ANO6: variants seen among roughly 807,000 people sequenced by gnomAD.
ANO6 encodes anoctamin-6.
ANO6 carries 106 observed loss-of-function variants against 117.5 expected under a neutral mutation model. That is an observed-to-expected ratio of 0.90 (90% CI 0.77 to 1.06). The LOEUF is 1.06. ANO6 is among the 50% of genes least tolerant of loss of function. The pLI, the probability that ANO6 is intolerant of heterozygous loss-of-function variation, is 0.00. For missense variants in ANO6, 955 were observed against 1,121.1 expected, an observed-to-expected ratio of 0.85 and a Z score of 2.12; for synonymous variants, 367 against 385.1, an observed-to-expected ratio of 0.95 and a Z score of 0.55.
intron 2 of ANO6, among the ~76,000 whole-genome samples, chr12:45,323,448 C>A (rs1217365311): frequency 1.3e-5 from 2 of 152,166 alleles, no homozygotes; most frequent in African/African-American, 2.4e-5. Context: ...GTGGAAGTTT[C>A]TGATGATTAT....
Position 45,416,923 on chromosome 12 carries a change from T to G in ANO6, c.2217+19T>G, listed in dbSNP as rs763132017. On this transcript the variant is annotated intron_variant, in intron 17 of 19. Transcript: ENST00000320560. ...GACCAATGTGAGTAGACCTAAGCTT[T>G]ACAGAGTAAAGACCTTGAAGATGCA... 1 of 1,613,234 alleles carries G rather than the reference T, an allele frequency of 6.2e-7. No individual in the cohort carries two copies. Among genetic ancestry groups the G allele is most frequent in the Admixed American group, 1.7e-5 (1 of 60,008 alleles).
intron 1 of ANO6, among the ~76,000 whole-genome samples, chr12:45,262,849 G>A (rs1022458056): frequency 6.6e-6 from 1 of 152,144 alleles, no homozygotes; most frequent in Admixed American, 6.5e-5. Flanking sequence ...ACATTCAACA[G>A]ATATTTAGTT....
intron 1 of ANO6, among the ~76,000 whole-genome samples, chr12:45,250,761 TAA>T (rs1237444756): frequency 3.9e-3 from 455 of 116,510 alleles, no homozygotes; most frequent in African/African-American, 0.011. Context: ...TCTGGTTACT[TAA>T]AAAAAAAAAA....
chr12:45,352,146 G>T (rs1264390328), intron 7 of ANO6, among the ~76,000 whole-genome samples: 3 of 152,056 alleles, frequency 2.0e-5, no homozygotes, highest in African/African-American at 7.2e-5. Context: ...AAAACTACTA[G>T]ACCTTAAAAG....
chr12:45,271,874 T>G (rs1352037806), intron 1 of ANO6, among the ~76,000 whole-genome samples: 1 of 152,200 alleles, frequency 6.6e-6, no homozygotes, highest in Non-Finnish European at 1.5e-5. Context: ...GTTAAGATGG[T>G]GCAAACAGGA....
Position 45,367,715 on chromosome 12 carries a change from T to A in ANO6, c.1026T>A (p.Gly342=), listed in dbSNP as rs1392493541. The stretch of plus-strand genomic sequence containing the variant: ...AAGAAGTTTGTCATCCTGATATTGG[T>A]GGCAAGATCATAATGTGTCCTCAGT... ...WSKEVCHPDI[G]GKIIMCPQCD... The change falls in exon 9 of 20, where the codon GGT becomes GGA. Residue 342 remains glycine (G), a synonymous_variant. Transcript: ENST00000320560. The A allele has an allele frequency of 6.2e-7, 1 of 1,613,158 alleles. No homozygotes were observed. Among genetic ancestry groups the A allele is most frequent in the Non-Finnish European group, 8.5e-7 (1 of 1,179,686 alleles).
chr12:45,224,568 C>G (rs1465688917), intron 1 of ANO6, among the ~76,000 whole-genome samples: 1 of 152,182 alleles, frequency 6.6e-6, no homozygotes, highest in Non-Finnish European at 1.5e-5. Flanking sequence ...AGTCCACAGA[C>G]ATGATTTATC....
At chr12:45,266,805 AGTGT>A (rs57682251) in intron 1 of ANO6, among the ~76,000 whole-genome samples, 43,836 of 145,318 alleles carry the variant, frequency 0.3, 6,549 homozygotes, top group South Asian at 0.47. Context: ...TCAAAAAACA[AGTGT>A]GTGTGTGTGT....
At position 45,356,359 on chromosome 12, in the gene ANO6, CT is replaced by C. The variant is rs1941411144; in HGVS notation, c.864-929del. On this transcript the variant is annotated intron_variant, in intron 7 of 19. Transcript: ENST00000320560. ...TTTTTTCTTATTATTACAGTTGCCC[CT>C]TGAACAACACAGGGGTAGGGCAGTG... is the stretch of plus-strand genomic sequence containing the variant. Among the ~76,000 whole-genome samples, 7 of 152,170 alleles carry C rather than the reference CT, an allele frequency of 4.6e-5. No individual in the cohort carries two copies. The South Asian group carries it at 1.5e-3, about 32-fold the overall frequency.
chr12:45,425,000 C>A (rs142192466), intron 19 of ANO6, among the ~76,000 whole-genome samples: 1 of 151,492 alleles, frequency 6.6e-6, no homozygotes, highest in East Asian at 1.9e-4. Context: ...CTGATTTGGA[C>A]CCTCAGTAAC....
At chr12:45,276,681 A>G (rs535674092) in intron 1 of ANO6, among the ~76,000 whole-genome samples, 224 of 152,152 alleles carry the variant, frequency 1.5e-3, no homozygotes, top group Middle Eastern at 0.01. Flanking sequence ...AAGTACTTAT[A>G]TTTAGTTTTT....
chr12:45,329,428 G>C (rs138159609), intron 2 of ANO6, among the ~76,000 whole-genome samples: 5 of 152,210 alleles, frequency 3.3e-5, no homozygotes, highest in African/African-American at 7.2e-5. Flanking sequence ...AGTCAGTGAG[G>C]TTTTCCTCCA....
chr12:45,291,463 G>A (rs917639291), intron 1 of ANO6, among the ~76,000 whole-genome samples: 9 of 151,214 alleles, frequency 6.0e-5, no homozygotes, highest in Admixed American at 3.3e-4. Flanking sequence ...AATAGATAAC[G>A]GGACTTGAGA....
intron 1 of ANO6, among the ~76,000 whole-genome samples, chr12:45,295,703 G>A (rs1385663072): frequency 2.0e-5 from 3 of 152,000 alleles, no homozygotes; most frequent in Non-Finnish European, 1.5e-5. Flanking sequence ...TAGCGTTACA[G>A]GCATGTACCA....
At position 45,348,013 on chromosome 12, in the gene ANO6, A is replaced by T. The variant is rs774734095; in HGVS notation, c.346-15A>T. ...AGTTGGTTTCTTGTTCTGCGTTTTT[A>T]TTTTTCCAATATAGGTATTGGATGA... On this transcript the variant is annotated splice_polypyrimidine_tract_variant and intron_variant, in intron 4 of 19. Transcript: ENST00000320560. The T allele has an allele frequency of 6.2e-7, 1 of 1,611,934 alleles. No individual in the cohort carries two copies. Among genetic ancestry groups the T allele is most frequent in the South Asian group, 1.1e-5 (1 of 91,020 alleles).
Position 45,421,171 on chromosome 12 carries a change from A to G in ANO6, c.2318A>G (p.Glu773Gly), listed in dbSNP as rs749645085. Residue 773 changes from glutamate (E) to glycine (G), a missense_variant, in exon 18 of 20, where the codon GAA becomes GGA. Physicochemically the swap from Glu to Gly is moderately conservative, Grantham distance 98. Coordinates refer to ENST00000320560, the MANE Select transcript of ANO6 (RefSeq NM_001025356.3). ...GGGGACCACACTTCCTACACCATGG[A>G]AGGGTACATCAACAACACTCTCTCC... ...PYGDHTSYTM[E>G]GYINNTLSIF... 1 of 1,614,152 alleles carries G rather than the reference A, an allele frequency of 6.2e-7. No individual in the cohort carries two copies. Among genetic ancestry groups the G allele is most frequent in the East Asian group, 2.2e-5 (1 of 44,882 alleles).
At chr12:45,357,113 T>A (rs1941430971) in intron 7 of ANO6, among the ~76,000 whole-genome samples, 177 bp from the exon 8 acceptor site, 1 of 152,242 alleles carries the variant, frequency 6.6e-6, no homozygotes, top group Non-Finnish European at 1.5e-5. Context: ...ATGTGTAATA[T>A]ACTTTTTGTT....
At chr12:45,278,987 A>G (rs1404159746) in intron 1 of ANO6, among the ~76,000 whole-genome samples, 1 of 152,252 alleles carries the variant, frequency 6.6e-6, no homozygotes, top group African/African-American at 2.4e-5. Flanking sequence ...TAGGAGTCTC[A>G]ACATTCAGCA....
At chr12:45,268,530 TAAATA>T (rs1938292213) in intron 1 of ANO6, among the ~76,000 whole-genome samples, 1 of 151,922 alleles carries the variant, frequency 6.6e-6, no homozygotes, top group Non-Finnish European at 1.5e-5. Flanking sequence ...AAAAATTAAA[TAAATA>T]AATAAATAAA....
Sources: gnomAD v4.1 joint callset for allele counts (sites outside exome capture counted in the v4.1 genomes callset) on GRCh38, gnomAD v4.1.1 for gene constraint, MANE v1.5 for transcripts, NCBI Gene and HGNC (gene_info 2026-07-23, HGNC 2026-07-21) for gene names.